The following SLC4A8 variants were observed in gnomAD, a reference collection of about 807,000 sequenced individuals.
SLC4A8 encodes solute carrier family 4 member 8, also known as electroneutral sodium bicarbonate exchanger 1.
A neutral mutation model predicts 125.0 loss-of-function variants in SLC4A8; 40 were observed. That is an observed-to-expected ratio of 0.32 (90% confidence interval 0.25 to 0.42). The LOEUF is 0.42. Among genes scored for constraint, SLC4A8 ranks in the 10% least tolerant of loss-of-function variants. The probability of loss-of-function intolerance (pLI) is 1.00; values close to 1 mark genes in which losing one functional copy is unlikely to be tolerated. For synonymous variants in SLC4A8, 456 were observed against 476.0 expected, an observed-to-expected ratio of 0.96 and a Z score of 0.55; for missense variants, 863 against 1,355.1, an observed-to-expected ratio of 0.64 and a Z score of 5.70.
At chr12:51,411,053 T>G (rs924063146) in intron 1 of SLC4A8, among the ~76,000 whole-genome samples, 5 of 149,634 alleles carry the variant, frequency 3.3e-5, no homozygotes, top group Admixed American at 1.3e-4. Flanking sequence ...CTGTTTTTTT[T>G]TTTTTTTTTT....
Position 51,469,601 on chromosome 12 carries a change from T to G in SLC4A8, c.1350-13T>G. 6.2e-7 allele frequency: 1 copy of G among 1,611,870 alleles called. No homozygotes were observed. Reference sequence around the variant, plus strand: ...CGGACTGTGTTAGAAGCCTGTCTGTTGTGTTTCCACAGGCTATTTGGGGGC... The same window carrying G: ...CGGACTGTGTTAGAAGCCTGTCTGTGGTGTTTCCACAGGCTATTTGGGGGC... On this transcript the variant is annotated splice_polypyrimidine_tract_variant and intron_variant, in intron 11 of 24. Coordinates refer to ENST00000453097, the MANE Select transcript of SLC4A8 (RefSeq NM_001039960.3).
chr12:51,453,820 C>T, intron 5 of SLC4A8, 121 bp downstream of exon 5: 2 of 770,384 alleles, frequency 2.6e-6, no homozygotes, highest in Admixed American at 2.7e-5. Context: ...AAGCCACAAC[C>T]TTCCTGGCCT....
At chr12:51,416,507 G>T (rs1326576021) in intron 1 of SLC4A8, among the ~76,000 whole-genome samples, 1 of 152,054 alleles carries the variant, frequency 6.6e-6, no homozygotes, top group Non-Finnish European at 1.5e-5. Context: ...TCTGGGTGTG[G>T]TGGCGTACGC....
intron 16 of SLC4A8, among the ~76,000 whole-genome samples, chr12:51,475,778 C>A (rs1226526249): frequency 6.6e-6 from 1 of 152,098 alleles, no homozygotes; most frequent in Non-Finnish European, 1.5e-5. Flanking sequence ...TTTGGCAGGG[C>A]AAGATTAGAG....
chr12:51,410,531 C>T (rs1948573211), intron 1 of SLC4A8, among the ~76,000 whole-genome samples: 1 of 151,808 alleles, frequency 6.6e-6, no homozygotes, highest in Admixed American at 6.6e-5. Flanking sequence ...GATCTTCGCT[C>T]ACTGCAATCT....
intron 1 of SLC4A8, among the ~76,000 whole-genome samples, chr12:51,399,844 T>C (rs1948337121): frequency 6.6e-6 from 1 of 152,196 alleles, no homozygotes; most frequent in African/African-American, 2.4e-5. Flanking sequence ...TAGCTGGGCA[T>C]GGTGATGCGT....
At chr12:51,402,624 AG>A (rs1948413033) in intron 1 of SLC4A8, among the ~76,000 whole-genome samples, 1 of 152,140 alleles carries the variant, frequency 6.6e-6, no homozygotes, top group African/African-American at 2.4e-5. Context: ...TGGGAGACTG[AG>A]GCAGGAGAAT....
chr12:51,425,024 C>T lies in SLC4A8; in HGVS notation c.37C>T (p.Leu13Phe). The part of the protein sequence containing the change: ...AAGSNEPDGV[L>F]SYQRPDEEAV... Reference sequence around the variant, plus strand: ...CGGGAGTAACGAGCCGGACGGCGTCCTCAGCTATCAGGTAGGGCCCCGCCT... The same window carrying T: ...CGGGAGTAACGAGCCGGACGGCGTCTTCAGCTATCAGGTAGGGCCCCGCCT... Residue 13 changes from leucine (L) to phenylalanine (F), a missense_variant, in exon 1 of 25, where the codon CTC becomes TTC. Physicochemically the swap from Leu to Phe is conservative, Grantham distance 22 (BLOSUM62 0). Coordinates refer to ENST00000453097, the MANE Select transcript of SLC4A8 (RefSeq NM_001039960.3). 6.4e-7 allele frequency: 1 copy of T among 1,557,316 alleles called. No individual in the cohort carries two copies. The highest frequency in any genetic ancestry group is 1.4e-5 in the African/African-American group (1 of 73,436).
chr12:51,411,219 G>T (rs1005274003), intron 1 of SLC4A8, among the ~76,000 whole-genome samples: 6 of 151,816 alleles, frequency 4.0e-5, no homozygotes, highest in African/African-American at 1.5e-4. Flanking sequence ...TTGGTTAGTT[G>T]ATGCTTTAAT....
At chr12:51,404,614 T>C (rs1025421913) in intron 1 of SLC4A8, among the ~76,000 whole-genome samples, 11 of 152,196 alleles carry the variant, frequency 7.2e-5, no homozygotes, top group African/African-American at 2.7e-4. Flanking sequence ...TATGTATGTT[T>C]AGGGTGGCTA....
chr12:51,455,973 A>G (rs1950137345), intron 5 of SLC4A8, among the ~76,000 whole-genome samples: 1 of 152,260 alleles, frequency 6.6e-6, no homozygotes, highest in African/African-American at 2.4e-5. Context: ...TTTGTAAACA[A>G]CAGCAGTCAC....
intron 1 of SLC4A8, among the ~76,000 whole-genome samples, chr12:51,394,105 TAGTC>T (rs1359064581): frequency 6.6e-6 from 1 of 152,186 alleles, no homozygotes; most frequent in African/African-American, 2.4e-5. Flanking sequence ...TCTTGCACCT[TAGTC>T]AGGACCCAAC....
chr12:51,506,462 T>A (rs1182409109), intron 24 of SLC4A8, among the ~76,000 whole-genome samples: 1 of 152,080 alleles, frequency 6.6e-6, no homozygotes, highest in African/African-American at 2.4e-5. Flanking sequence ...TTTGAGACGG[T>A]CAGTCTCTGT....
At chr12:51,475,001 T>C in intron 15 of SLC4A8, 44 bp from the exon 16 acceptor site, 1 of 1,568,370 alleles carries the variant, frequency 6.4e-7, no homozygotes. Context: ...GCTATTTATT[T>C]GGTTGTGTCT....
intron 17 of SLC4A8, among the ~76,000 whole-genome samples, chr12:51,487,179 G>A (rs185427145): frequency 6.1e-4 from 93 of 152,250 alleles, no homozygotes; most frequent in African/African-American, 2.2e-3. Flanking sequence ...AGAAAATGTT[G>A]CTCATGACAG....
At chr12:51,448,801 A>G (rs1480673071) in intron 2 of SLC4A8, among the ~76,000 whole-genome samples, 1 of 152,162 alleles carries the variant, frequency 6.6e-6, no homozygotes, top group East Asian at 1.9e-4. Context: ...TTCAGCAGAG[A>G]CTGGGGTCAG....
At chr12:51,393,251 C>T (rs2137900035) in intron 1 of SLC4A8, among the ~76,000 whole-genome samples, 1 of 152,246 alleles carries the variant, frequency 6.6e-6, no homozygotes, top group East Asian at 1.9e-4. Context: ...AGATGCATGC[C>T]ACCATGCCCA....
chr12:51,471,169 T>C, intron 13 of SLC4A8, 118 bp from the exon 14 acceptor site: 1 of 921,468 alleles, frequency 1.1e-6, no homozygotes, highest in South Asian at 1.6e-5. Context: ...ACAATCAGAA[T>C]TAGGGATAAA....
intron 1 of SLC4A8, chr12:51,403,250 G>A (rs1482375580): frequency 6.6e-6 from 3 of 456,786 alleles, no homozygotes; most frequent in Admixed American, 2.4e-5. Context: ...CTGAGTTGGG[G>A]CCACTCAAGC....
Sources: allele counts gnomAD v4.1 joint callset (sites outside exome capture counted in the v4.1 genomes callset), GRCh38; gene constraint gnomAD v4.1.1; transcripts MANE v1.5; gene names NCBI Gene and HGNC (gene_info 2026-07-23, HGNC 2026-07-21).